EFNB2: variants seen among roughly 807,000 people sequenced by gnomAD.
EFNB2 encodes ephrin B2.
Under a neutral mutation model 32.1 loss-of-function variants are expected in EFNB2, and 5 were observed. That is an observed-to-expected ratio of 0.16 (90% confidence interval 0.08 to 0.33). The LOEUF (loss-of-function observed/expected upper bound fraction) is 0.33. EFNB2 is among the 10% of genes least tolerant of loss of function. EFNB2 has a pLI of 1.00. For synonymous variants in EFNB2, 168 were observed against 166.5 expected, an observed-to-expected ratio of 1.01 and a Z score of -0.07; for missense variants, 263 against 422.6, an observed-to-expected ratio of 0.62 and a Z score of 3.31.
At chr13:106,531,222 T>G (rs1879859457) in intron 1 of EFNB2, among the ~76,000 whole-genome samples, 8 of 152,228 alleles carry the variant, frequency 5.3e-5, no homozygotes. Flanking sequence ...GTGCAGTCCC[T>G]AGACACATGA....
intron 2 of EFNB2, among the ~76,000 whole-genome samples, chr13:106,504,318 C>T (rs946277334): frequency 2.6e-5 from 4 of 152,136 alleles, no homozygotes; most frequent in South Asian, 2.1e-4. Flanking sequence ...CATCTCTAGG[C>T]GGTGGGACTT....
At chr13:106,506,562 T>C (rs1374862949) in intron 2 of EFNB2, 1 of 152,156 alleles carries the variant, frequency 6.6e-6, no homozygotes, top group East Asian at 1.9e-4. Context: ...GAGAAGATCT[T>C]ATAATTAAGT....
chr13:106,505,988 G>A (rs1357889197), intron 2 of EFNB2: 2 of 152,176 alleles, frequency 1.3e-5, no homozygotes, highest in African/African-American at 4.8e-5. Context: ...CGCTATACCC[G>A]AGAGCCAGGA....
chr13:106,519,033 G>C (rs2138929781), intron 1 of EFNB2: 1 of 152,260 alleles, frequency 6.6e-6, no homozygotes, highest in Non-Finnish European at 1.5e-5. Context: ...ATATGCCAAA[G>C]TTTCCAAACA....
At chr13:106,532,486 T>G (rs1366707117) in intron 1 of EFNB2, among the ~76,000 whole-genome samples, 2 of 152,126 alleles carry the variant, frequency 1.3e-5, no homozygotes, top group African/African-American at 2.4e-5. Context: ...CCTCTGGAAA[T>G]AAATATAAAA....
At chr13:106,532,123 C>T (rs1050362542) in intron 1 of EFNB2, among the ~76,000 whole-genome samples, 6 of 151,240 alleles carry the variant, frequency 4.0e-5, no homozygotes, top group African/African-American at 1.5e-4. Flanking sequence ...CCCAACTCTA[C>T]CAGAACGTAT....
rs1268708537 is a variant in EFNB2, at chr13:106,535,013, C to T, written c.-49G>A. 1.9e-6 allele frequency: 3 copies of T among 1,605,396 alleles called. No individual in the cohort carries two copies. The highest frequency in any genetic ancestry group is 8.5e-7 in the Non-Finnish European group (1 of 1,176,108). On this transcript the variant is annotated 5_prime_UTR_variant, in exon 1 of 5. Transcript: ENST00000646441. ...GCACTCCGGGCCAAGAAGGGACTGACGGGACGCAGGCTGGGACCCCCAATC... is the reference window on the plus strand; with the variant it reads ...GCACTCCGGGCCAAGAAGGGACTGATGGGACGCAGGCTGGGACCCCCAATC...
intron 3 of EFNB2, 68 bp downstream of exon 3, chr13:106,495,680 T>C: frequency 1.3e-6 from 2 of 1,488,440 alleles, no homozygotes; most frequent in Non-Finnish European, 9.3e-7. Flanking sequence ...ATCGGCAACA[T>C]TAGCACCATA....
intron 1 of EFNB2, among the ~76,000 whole-genome samples, chr13:106,523,114 C>T (rs1249089943): frequency 6.6e-6 from 1 of 152,014 alleles, no homozygotes; most frequent in Non-Finnish European, 1.5e-5. Context: ...CTGCTGTGGG[C>T]GTATGACAGG....
chr13:106,497,071 G>A (rs781414839), intron 2 of EFNB2, among the ~76,000 whole-genome samples: 45 of 152,180 alleles, frequency 3.0e-4, no homozygotes, highest in Non-Finnish European at 5.6e-4. Flanking sequence ...TAATGGGATT[G>A]TTTGTTTTCC....
chr13:106,493,538 A>C lies in EFNB2; in HGVS notation c.614-110T>G. The C allele has an allele frequency of 7.1e-7, 1 of 1,417,992 alleles. No individual in the cohort carries two copies. The highest frequency in any genetic ancestry group is 2.4e-5 in the East Asian group (1 of 42,432). The allele number at this position is 1,417,992 out of a possible 1,614,324, so 87.8% of individuals were successfully genotyped here. A position where few individuals can be genotyped will look rare whatever the true frequency, so the allele number is the denominator to read the frequency against. ...GAAAAATAAGCCAGGCTTATTACTA[A>C]CTAGAAGCTGGACTTTGCCTCGCCA... On this transcript the variant is annotated intron_variant, in intron 4 of 4. Transcript: ENST00000646441. This position sits in a 1 kb window ranked among gnomAD's most constrained non-coding sequence, Gnocchi z 6.1.
At chr13:106,528,495 C>A (rs7330328) in intron 1 of EFNB2, among the ~76,000 whole-genome samples, 35,312 of 151,010 alleles carry the variant, frequency 0.23, 4,669 homozygotes, top group East Asian at 0.66. Flanking sequence ...ACAACAACAA[C>A]AAAAAAACAG....
At chr13:106,507,641 T>A (rs1878999254) in intron 2 of EFNB2, among the ~76,000 whole-genome samples, 1 of 151,422 alleles carries the variant, frequency 6.6e-6, no homozygotes. Flanking sequence ...AAATAAAAAA[T>A]AAAAAGCTAT....
At chr13:106,506,367 G>C (rs1878951542) in intron 2 of EFNB2, 1 of 152,174 alleles carries the variant, frequency 6.6e-6, no homozygotes, top group Admixed American at 6.5e-5. Flanking sequence ...TGGTAACATG[G>C]AAATTGGGAA....
At chr13:106,514,727 C>A (rs1260706328) in intron 1 of EFNB2, among the ~76,000 whole-genome samples, 7 of 152,144 alleles carry the variant, frequency 4.6e-5, no homozygotes, top group Non-Finnish European at 8.8e-5. Flanking sequence ...CCTTTTCTAT[C>A]CTTAATCTGC....
At chr13:106,533,086 T>G (rs1879933798) in intron 1 of EFNB2, among the ~76,000 whole-genome samples, 1 of 124,044 alleles carries the variant, frequency 8.1e-6, no homozygotes, top group African/African-American at 3.1e-5. Context: ...TAAACAGAAA[T>G]ATTAAATCCT....
chr13:106,511,137 T>C (rs1233855387), intron 2 of EFNB2, among the ~76,000 whole-genome samples: 1 of 152,260 alleles, frequency 6.6e-6, no homozygotes, highest in Non-Finnish European at 1.5e-5. Flanking sequence ...CTATGCTGCA[T>C]ACTTGGCCAC....
chr13:106,532,602 C>T (rs1376790942), intron 1 of EFNB2, among the ~76,000 whole-genome samples: 1 of 152,190 alleles, frequency 6.6e-6, no homozygotes, highest in Non-Finnish European at 1.5e-5. Context: ...TCTTTCTGAT[C>T]TCTGGAGCTA....
At chr13:106,510,149 G>A (rs906442918) in intron 2 of EFNB2, 2 of 152,180 alleles carry the variant, frequency 1.3e-5, no homozygotes, top group Non-Finnish European at 2.9e-5. Context: ...CTGATGGCCA[G>A]AGTAGTTCAG....
Sources: allele counts gnomAD v4.1 joint callset (sites outside exome capture counted in the v4.1 genomes callset), GRCh38; gene constraint gnomAD v4.1.1; non-coding constraint Gnocchi (gnomAD v3.1); transcripts MANE v1.5; gene names NCBI Gene and HGNC (gene_info 2026-07-23, HGNC 2026-07-21).